Variants in TENM3 observed in about 807,000 individuals in gnomAD.
TENM3 encodes teneurin transmembrane protein 3, also known as teneurin-3.
Under a neutral mutation model 255.1 loss-of-function variants are expected in TENM3, and 63 were observed. That is an observed-to-expected ratio of 0.25 (90% confidence interval 0.20 to 0.30). The LOEUF (loss-of-function observed/expected upper bound fraction) is 0.30, where lower values mean the gene tolerates loss of function less well. Ranked by LOEUF, TENM3 falls within the 10% of genes least tolerant of loss-of-function variation. The probability of loss-of-function intolerance (pLI) is 1.00; values close to 1 mark genes in which losing one functional copy is unlikely to be tolerated. For missense variants in TENM3, 2,929 were observed against 3,461.1 expected, an observed-to-expected ratio of 0.85 and a Z score of 3.86; for synonymous variants, 1,306 against 1,322.3, an observed-to-expected ratio of 0.99 and a Z score of 0.27.
intron 25 of TENM3, among the ~76,000 whole-genome samples, chr4:182,791,142 T>C (rs976747769): frequency 3.3e-5 from 5 of 152,238 alleles, no homozygotes; most frequent in Admixed American, 2.6e-4. Context: ...AGTCCAAGCT[T>C]TCCTTGGAAC....
At chr4:182,657,166 C>T (rs1333431029) in intron 6 of TENM3, among the ~76,000 whole-genome samples, 3 of 152,204 alleles carry the variant, frequency 2.0e-5, no homozygotes. Context: ...CATGTTACTT[C>T]ACTGACCTCT....
intron 3 of TENM3, chr4:182,349,885 A>G (rs1765058499): frequency 2.9e-6 from 1 of 340,608 alleles, no homozygotes; most frequent in South Asian, 2.4e-5. Context: ...CTAAAGGTTG[A>G]AAAGAGAAGG....
Position 182,800,096 on chromosome 4 carries a change from G to A in TENM3, c.7845G>A (p.Glu2615=), listed in dbSNP as rs759353477. ...TGCGCTACGGCATGACCCTGGACGA[G>A]GAGAAGGCGCGCATCCTGGAGCAGG... ...LHVRYGMTLD[E]EKARILEQAR... Residue 2615 remains glutamate (E), a synonymous_variant, in exon 28 of 28, where the codon GAG becomes GAA. Coordinates refer to ENST00000511685, the MANE Select transcript of TENM3 (RefSeq NM_001080477.4). 79 of 1,582,862 alleles carry A rather than the reference G, an allele frequency of 5.0e-5. No homozygotes were observed. The highest frequency in any genetic ancestry group is 2.2e-4 in the African/African-American group (16 of 73,468).
intron 13 of TENM3, among the ~76,000 whole-genome samples, chr4:182,716,219 T>G (rs1384886197): frequency 6.6e-6 from 1 of 152,164 alleles, no homozygotes; most frequent in African/African-American, 2.4e-5. Flanking sequence ...AAGAGAAGAT[T>G]GCACTGAGGA....
intron 3 of TENM3, among the ~76,000 whole-genome samples, chr4:182,450,572 A>C (rs1375929634): frequency 2.0e-5 from 3 of 152,244 alleles, no homozygotes; most frequent in African/African-American, 7.2e-5. Context: ...GATCCGCTAT[A>C]AAGTATGTTT....
the TENM3 span, among the ~76,000 whole-genome samples, chr4:181,740,202 T>G: frequency 1.3e-5 from 2 of 152,146 alleles, no homozygotes; most frequent in Non-Finnish European, 2.9e-5. Flanking sequence ...GAAATAAAAT[T>G]TATGGACAGA....
intron 1 of TENM3, among the ~76,000 whole-genome samples, chr4:182,263,198 C>T (rs948895718): frequency 2.0e-5 from 3 of 151,942 alleles, no homozygotes; most frequent in Non-Finnish European, 4.4e-5. Context: ...TAACGTCTTG[C>T]GAACCACAAA....
At chr4:181,577,632 C>T in the TENM3 span, among the ~76,000 whole-genome samples, 1 of 152,160 alleles carries the variant, frequency 6.6e-6, no homozygotes, top group African/African-American at 2.4e-5. Flanking sequence ...CTATGCCACT[C>T]TGGGTTTTTT....
intron 1 of TENM3, among the ~76,000 whole-genome samples, chr4:182,266,552 A>G (rs1316199371): frequency 2.6e-4 from 39 of 152,212 alleles, no homozygotes; most frequent in Admixed American, 2.6e-3. Context: ...GTTTATAAGA[A>G]TCTTACCTTA....
chr4:182,673,605 C>A (rs541925684), intron 7 of TENM3, among the ~76,000 whole-genome samples: 2 of 152,264 alleles, frequency 1.3e-5, no homozygotes, highest in African/African-American at 4.8e-5. Flanking sequence ...CGTATTCATT[C>A]TGTTGAAAAT....
chr4:182,351,641 A>C (rs1765189615), intron 3 of TENM3, among the ~76,000 whole-genome samples: 1 of 152,198 alleles, frequency 6.6e-6, no homozygotes, highest in Non-Finnish European at 1.5e-5. Flanking sequence ...AAGGCAGGCC[A>C]GCAGGCGTTG....
rs957957782 is a variant in TENM3, at chr4:182,621,576, A to G, written c.750-7075A>G. On this transcript the variant is annotated intron_variant, in intron 4 of 27. Transcript: ENST00000511685. Reference sequence around the variant, plus strand: ...GTAGGAGATTGAGGTCAGCCTGAACAACATAGGGAGACCCCCATCTGTACA... The same window carrying G: ...GTAGGAGATTGAGGTCAGCCTGAACGACATAGGGAGACCCCCATCTGTACA... 1.7e-5 allele frequency among the ~76,000 whole-genome samples: 2 copies of G among 117,222 alleles called. 1 individual carries two copies. The highest frequency in any genetic ancestry group is 3.7e-5 in the Non-Finnish European group (2 of 54,560). The allele number at this position is 117,222 out of a possible 152,430, so 76.9% of individuals were successfully genotyped here.
chr4:181,740,850 C>T, the TENM3 span, among the ~76,000 whole-genome samples: 1 of 152,152 alleles, frequency 6.6e-6, no homozygotes, highest in African/African-American at 2.4e-5. Flanking sequence ...TGCCCTCTTT[C>T]CACTCGGCTG....
intron 1 of TENM3, among the ~76,000 whole-genome samples, chr4:182,147,041 C>T (rs1171166540): frequency 2.0e-5 from 3 of 152,040 alleles, no homozygotes; most frequent in Non-Finnish European, 4.4e-5. Context: ...AAAAAAGCTC[C>T]TAAAGAGAGT....
chr4:182,562,422 T>G (rs1410974647), intron 3 of TENM3, among the ~76,000 whole-genome samples: 2 of 152,216 alleles, frequency 1.3e-5, no homozygotes, highest in South Asian at 2.1e-4. Flanking sequence ...CCTCCACAAC[T>G]GTGAGAAATA....
chr4:182,570,109 G>A (rs1413117197), intron 3 of TENM3, among the ~76,000 whole-genome samples: 1 of 152,094 alleles, frequency 6.6e-6, no homozygotes, highest in Non-Finnish European at 1.5e-5. Context: ...TGCCGTAATC[G>A]AGGCAAAAGA....
the TENM3 span, among the ~76,000 whole-genome samples, chr4:181,736,839 C>A: frequency 6.6e-6 from 1 of 152,084 alleles, no homozygotes; most frequent in Admixed American, 6.6e-5. Context: ...CTAGTGGAGG[C>A]CCACTGAAAT....
At chr4:181,883,691 A>C in the TENM3 span, among the ~76,000 whole-genome samples, 4 of 152,088 alleles carry the variant, frequency 2.6e-5, no homozygotes, top group Non-Finnish European at 4.4e-5. Context: ...GTTAGCCAGG[A>C]TGGTCTCGAT....
At chr4:182,733,229 C>T (rs981995287) in intron 16 of TENM3, among the ~76,000 whole-genome samples, 11 of 152,188 alleles carry the variant, frequency 7.2e-5, no homozygotes, top group African/African-American at 2.4e-4. Context: ...GAAGGGGATT[C>T]TTGGCTTGTT....
Sources: allele counts gnomAD v4.1 joint callset (sites outside exome capture counted in the v4.1 genomes callset), GRCh38; gene constraint gnomAD v4.1.1; transcripts MANE v1.5; gene names NCBI Gene and HGNC (gene_info 2026-07-23, HGNC 2026-07-21).